The following DCBLD2 variants were observed in gnomAD, a reference collection of about 807,000 sequenced individuals.
DCBLD2 encodes discoidin, CUB and LCCL domain-containing protein 2.
Under a neutral mutation model 86.8 loss-of-function variants are expected in DCBLD2, and 54 were observed. The observed-to-expected ratio is 0.62, with a 90% CI of 0.50 to 0.78. DCBLD2 has a LOEUF of 0.78. DCBLD2 is among the 30% of genes least tolerant of loss of function. DCBLD2 has a pLI of 0.00. For missense variants in DCBLD2, 908 were observed against 954.2 expected (o/e 0.95, Z 0.64); for synonymous variants, 354 against 341.3 (o/e 1.04, Z -0.41).
Position 98,822,325 on chromosome 3 carries a change from C to T in DCBLD2, c.733G>A (p.Val245Ile). The change falls in exon 6 of 16, where the codon GTA becomes ATA. Residue 245 changes from valine (V) to isoleucine (I), a missense_variant. This residue lies in a region of DCBLD2 where 606 missense variants were observed against 678.5 expected (regional missense o/e 0.89). Transcript: ENST00000326840. ...PLCMAGVHAG[V>I]VSNTLGGQIS... is the part of the protein sequence containing the mutation. ...TGGCCGCCCAACGTGTTTGACACTA[C>T]TCCTGCATGCACACCAGCCATGCAC... The T allele has an allele frequency of 6.2e-6, 10 of 1,613,986 alleles. 1 individual carries two copies. The highest frequency in any genetic ancestry group is 2.2e-5 in the South Asian group (2 of 91,082).
chr3:98,880,258 G>A (rs1346549281), intron 2 of DCBLD2, among the ~76,000 whole-genome samples: 1 of 152,134 alleles, frequency 6.6e-6, no homozygotes, highest in African/African-American at 2.4e-5. Context: ...GAGATGGAGA[G>A]GAAGCCAGAG....
intron 3 of DCBLD2, among the ~76,000 whole-genome samples, chr3:98,838,055 C>G (rs531433016): frequency 7.6e-6 from 1 of 132,242 alleles, no homozygotes; most frequent in East Asian, 2.5e-4. Context: ...GCTGACCCCC[C>G]CACCTCCCTC....
rs1252959595 is a variant in DCBLD2, at chr3:98,799,856, AAAC to A, written c.1859-18_1859-16del. The stretch of plus-strand genomic sequence containing the variant: ...CTGAGCATACTCTGTGGATATCACA[AAAC>A]AACAGAAAAGTCATTTTACTAGTAA... On this transcript the variant is annotated splice_polypyrimidine_tract_variant and intron_variant, in intron 15 of 15. Transcript: ENST00000326840. 2.5e-6 allele frequency: 4 copies of A among 1,570,902 alleles called. No individual in the cohort carries two copies. In the Admixed American group the frequency reaches 7.4e-5, roughly 29 times the overall value.
At chr3:98,880,246 T>TAGAGATGG (rs1559797981) in intron 2 of DCBLD2, among the ~76,000 whole-genome samples, 1 of 152,152 alleles carries the variant, frequency 6.6e-6, no homozygotes, top group Admixed American at 6.5e-5. Flanking sequence ...AGGATTTCAC[T>TAGAGATGG]AGAGATGGAG....
chr3:98,861,274 T>C (rs1943038177), intron 2 of DCBLD2, among the ~76,000 whole-genome samples: 1 of 150,730 alleles, frequency 6.6e-6, no homozygotes, highest in African/African-American at 2.5e-5. Context: ...ACAATAATAA[T>C]GGGAGACTTT....
chr3:98,864,942 GCTA>G (rs1364734237), intron 2 of DCBLD2, among the ~76,000 whole-genome samples: 1 of 152,078 alleles, frequency 6.6e-6, no homozygotes, highest in Non-Finnish European at 1.5e-5. Flanking sequence ...TCCTAGAATG[GCTA>G]CTATCAAAAA....
intron 3 of DCBLD2, among the ~76,000 whole-genome samples, chr3:98,831,668 T>C (rs1942325641): frequency 6.6e-6 from 1 of 152,236 alleles, no homozygotes. Context: ...TCTCATTTAG[T>C]TTCAAAGAAC....
At chr3:98,885,949 G>C (rs1018035117) in intron 1 of DCBLD2, among the ~76,000 whole-genome samples, 2 of 151,676 alleles carry the variant, frequency 1.3e-5, no homozygotes, top group Admixed American at 6.6e-5. Context: ...ATCATGCACA[G>C]GAGGTCCCTC....
chr3:98,857,712 T>C (rs1942961702), intron 2 of DCBLD2, among the ~76,000 whole-genome samples: 1 of 152,012 alleles, frequency 6.6e-6, no homozygotes, highest in South Asian at 2.1e-4. Context: ...GACATAAAGG[T>C]TCTCCACGTC....
In DCBLD2 at chr3:98,880,518, A is replaced by G. The variant is rs191643274; in HGVS notation, c.433+1022T>C. 1.2e-4 allele frequency among the ~76,000 whole-genome samples: 18 copies of G among 152,294 alleles called. No individual in the cohort carries two copies. The East Asian group carries it at 3.3e-3, about 28-fold the overall frequency. On this transcript the variant is annotated intron_variant, in intron 2 of 15. Coordinates refer to ENST00000326840, the MANE Select transcript of DCBLD2 (RefSeq NM_080927.4). ...GATTTTCCCAGGAAGCGTTTAAGAT[A>G]CTGAGGCCTGGGTTCCACCTAATCA...
chr3:98,849,372 T>C, intron 3 of DCBLD2, 89 bp downstream of exon 3: 1 of 1,530,434 alleles, frequency 6.5e-7, no homozygotes, highest in Non-Finnish European at 9.0e-7. Flanking sequence ...TCTATTCCAA[T>C]TTCAGAAAAC....
intron 1 of DCBLD2, among the ~76,000 whole-genome samples, chr3:98,887,753 T>C (rs1264816128): frequency 1.3e-5 from 2 of 152,078 alleles, no homozygotes; most frequent in East Asian, 3.8e-4. Context: ...CCCTTGCCCC[T>C]ACACTTGCAT....
At chr3:98,891,015 G>C (rs564912964) in intron 1 of DCBLD2, among the ~76,000 whole-genome samples, 2 of 151,974 alleles carry the variant, frequency 1.3e-5, no homozygotes, top group Non-Finnish European at 2.9e-5. Flanking sequence ...CTAGGTATTA[G>C]GAACAACAGT....
chr3:98,863,522 C>T (rs1255172118), intron 2 of DCBLD2, among the ~76,000 whole-genome samples: 2 of 152,122 alleles, frequency 1.3e-5, no homozygotes, highest in African/African-American at 2.4e-5. Context: ...GAGATATAGA[C>T]CAATGGAACA....
intron 2 of DCBLD2, among the ~76,000 whole-genome samples, chr3:98,871,326 T>C (rs528551893): frequency 6.6e-6 from 1 of 152,270 alleles, no homozygotes; most frequent in East Asian, 1.9e-4. Context: ...CTACGTTGAA[T>C]AAAAGTGGCA....
chr3:98,823,763 T>C (rs1942164685), intron 4 of DCBLD2, among the ~76,000 whole-genome samples: 1 of 152,220 alleles, frequency 6.6e-6, no homozygotes, highest in Non-Finnish European at 1.5e-5. Flanking sequence ...AAGAACTCTA[T>C]GGAGGAGATG....
chr3:98,821,124 C>T (rs1559773782), intron 6 of DCBLD2: 1 of 152,072 alleles, frequency 6.6e-6, no homozygotes, highest in Non-Finnish European at 1.5e-5. Context: ...TAAGCTGCAG[C>T]GACATGTGGC....
At position 98,849,317 on chromosome 3, in the gene DCBLD2, T is replaced by C. The variant is rs929803708; in HGVS notation, c.571+144A>G. 3.9e-6 allele frequency: 4 copies of C among 1,019,526 alleles called. No individual in the cohort carries two copies. In the African/African-American group the frequency reaches 4.8e-5, roughly 12 times the overall value. The allele number at this position is 1,019,526 out of a possible 1,614,324, so 63.2% of individuals were successfully genotyped here. ...GAACTTTGAAACTGAACTCACCTTA[T>C]TTGTCAAATTTATATATGTGCTATT... On this transcript the variant is annotated intron_variant, in intron 3 of 15. Transcript: ENST00000326840.
Position 98,862,946 on chromosome 3 carries a change from T to C in DCBLD2, c.434-13348A>G, listed in dbSNP as rs148098684. ...AAGTCAAATTGTCCCTGTTTGCAGATGACATGATTGTATATTTAGAAAACC... is the reference window on the plus strand; with the variant it reads ...AAGTCAAATTGTCCCTGTTTGCAGACGACATGATTGTATATTTAGAAAACC... On this transcript the variant is annotated intron_variant, in intron 2 of 15. Coordinates refer to ENST00000326840, the MANE Select transcript of DCBLD2 (RefSeq NM_080927.4). Among the ~76,000 whole-genome samples, 1,071 of 152,310 alleles carry C rather than the reference T, an allele frequency of 7.0e-3. 8 individuals carry two copies. Among genetic ancestry groups the C allele is most frequent in the African/African-American group, 0.019 (796 of 41,568 alleles).
Sources: gnomAD v4.1 joint callset for allele counts (sites outside exome capture counted in the v4.1 genomes callset) on GRCh38, gnomAD v4.1.1 for gene constraint, gnomAD v4.1.1 regional missense constraint, MANE v1.5 for transcripts, NCBI Gene and HGNC (gene_info 2026-07-23, HGNC 2026-07-21) for gene names.